Variants in GRIN3A observed in about 807,000 individuals in gnomAD.
GRIN3A encodes the protein glutamate receptor ionotropic, NMDA 3A.
Under a neutral mutation model 92.4 loss-of-function variants are expected in GRIN3A, and 47 were observed. The ratio of observed to expected loss-of-function variants is 0.51; its 90% CI spans 0.40 to 0.65. GRIN3A has a LOEUF of 0.65. GRIN3A is among the 30% of genes least tolerant of loss of function. The pLI is 0.00. For synonymous variants in GRIN3A, 527 were observed against 540.6 expected, an observed-to-expected ratio of 0.97 and a Z score of 0.35; for missense variants, 1,324 against 1,393.1, an observed-to-expected ratio of 0.95 and a Z score of 0.79.
intron 1 of GRIN3A, among the ~76,000 whole-genome samples, chr9:101,691,678 C>T (rs539394654): frequency 1.3e-4 from 20 of 152,270 alleles, no homozygotes; most frequent in Non-Finnish European, 2.4e-4. Context: ...ATTTCCTGTG[C>T]GATTCTGCAT....
intron 2 of GRIN3A, among the ~76,000 whole-genome samples, chr9:101,675,679 T>G (rs943307149): frequency 6.6e-6 from 1 of 150,544 alleles, no homozygotes; most frequent in Non-Finnish European, 1.5e-5. Flanking sequence ...TTTTTTTTTG[T>G]AATTTTAAAA....
At chr9:101,642,181 T>C (rs1828875063) in intron 3 of GRIN3A, among the ~76,000 whole-genome samples, 1 of 152,158 alleles carries the variant, frequency 6.6e-6, no homozygotes, top group Non-Finnish European at 1.5e-5. Context: ...CATGCATATA[T>C]GGTCAACTAA....
At chr9:101,592,526 C>T (rs1828044703) in intron 6 of GRIN3A, 1 of 152,282 alleles carries the variant, frequency 6.6e-6, no homozygotes, top group East Asian at 1.9e-4. Context: ...AGTGTGATAA[C>T]AACCCAGTTG....
intron 4 of GRIN3A, among the ~76,000 whole-genome samples, chr9:101,624,813 A>G (rs1828609749): frequency 1.3e-5 from 2 of 152,176 alleles, no homozygotes; most frequent in African/African-American, 2.4e-5. Context: ...GACTTCCACA[A>G]TGGTTGGACT....
At chr9:101,627,346 A>C (rs1828647604) in intron 4 of GRIN3A, among the ~76,000 whole-genome samples, 1 of 152,176 alleles carries the variant, frequency 6.6e-6, no homozygotes, top group Admixed American at 6.5e-5. Flanking sequence ...CATGTTTCTA[A>C]AGTTGTTGAG....
At chr9:101,683,847 TGA>T (rs55960998) in intron 2 of GRIN3A, among the ~76,000 whole-genome samples, 16,220 of 136,014 alleles carry the variant, frequency 0.12, 887 homozygotes, top group East Asian at 0.17. Flanking sequence ...AGAGAGACAG[TGA>T]GAGAGAGAGA....
intron 2 of GRIN3A, among the ~76,000 whole-genome samples, chr9:101,679,531 T>C (rs1163021679): frequency 6.6e-6 from 1 of 152,102 alleles, no homozygotes; most frequent in Non-Finnish European, 1.5e-5. Flanking sequence ...TTAAGTGACC[T>C]GGAGTAGAGG....
chr9:101,686,178 A>G (rs544319970), intron 2 of GRIN3A, among the ~76,000 whole-genome samples: 6 of 152,318 alleles, frequency 3.9e-5, no homozygotes, highest in Non-Finnish European at 8.8e-5. Context: ...GAAAAGAAAC[A>G]TTTATTTTGC....
intron 1 of GRIN3A, among the ~76,000 whole-genome samples, chr9:101,716,595 C>T (rs2119021395): frequency 6.6e-6 from 1 of 152,206 alleles, no homozygotes; most frequent in East Asian, 1.9e-4. Context: ...CTGTCCTTTA[C>T]ATTATATACT....
rs758975539 is a variant in GRIN3A, at chr9:101,726,911, G to A, written c.699+10370C>T. 6.4e-4 allele frequency among the ~76,000 whole-genome samples: 98 copies of A among 152,156 alleles called. 1 individual carries two copies. The highest frequency in any genetic ancestry group is 1.2e-3 in the Non-Finnish European group (80 of 67,978). ...AAATTCAAGTATCCATATTTGGGTA[G>A]AGGCTATAATATTAGACAGCACAGT... On this transcript the variant is annotated intron_variant, in intron 1 of 8. Transcript: ENST00000361820.
Position 101,737,770 on chromosome 9 carries a change from G to T in GRIN3A, c.210C>A (p.Asp70Glu). 1 of 1,528,644 alleles carries T rather than the reference G, an allele frequency of 6.5e-7. No individual in the cohort carries two copies. The highest frequency in any genetic ancestry group is 8.7e-7 in the Non-Finnish European group (1 of 1,143,856). The allele number at this position is 1,528,644 out of a possible 1,614,324, so 94.7% of individuals were successfully genotyped here. A position where few individuals can be genotyped will look rare whatever the true frequency, so the allele number is the denominator to read the frequency against. ...CCCTCTGGGCTCCTGCTCGGCTGTC[G>T]TCCGGAGCGCGGCTGGCCGCGCGGG... ...TAPRAASRAP[D>E]DSRAGAQRDE... The change falls in exon 1 of 9, where the codon GAC (aspartate) becomes GAA (glutamate). Residue 70 changes from aspartate to glutamate, a missense_variant. Asp to Glu is a conservative substitution (Grantham distance 45). Coordinates refer to ENST00000361820, the MANE Select transcript of GRIN3A (RefSeq NM_133445.3).
chr9:101,594,994 T>C, intron 6 of GRIN3A: 1 of 1,533,078 alleles, frequency 6.5e-7, no homozygotes, highest in Non-Finnish European at 8.7e-7. Context: ...CGGGCGGGGC[T>C]CGTGCCCGGA....
chr9:101,716,462 A>G (rs1234120408), intron 1 of GRIN3A, among the ~76,000 whole-genome samples: 1 of 152,156 alleles, frequency 6.6e-6, no homozygotes, highest in Non-Finnish European at 1.5e-5. Context: ...CATTATTTCT[A>G]TTTTATGAGT....
intron 3 of GRIN3A, among the ~76,000 whole-genome samples, chr9:101,661,304 T>A (rs887047012): frequency 1.1e-4 from 17 of 151,874 alleles, no homozygotes; most frequent in African/African-American, 4.1e-4. Context: ...AATACATGAA[T>A]GTTGTAAAAA....
intron 6 of GRIN3A, chr9:101,594,407 G>C: frequency 1.3e-6 from 2 of 1,594,626 alleles, no homozygotes; most frequent in South Asian, 1.1e-5. Flanking sequence ...TAAGAAAAAG[G>C]CTCATACGAT....
chr9:101,582,626 G>A (rs1316947631), intron 6 of GRIN3A, among the ~76,000 whole-genome samples: 1 of 152,146 alleles, frequency 6.6e-6, no homozygotes, highest in African/African-American at 2.4e-5. Context: ...CCTTGACCTA[G>A]ACCTATTTTA....
intron 3 of GRIN3A, among the ~76,000 whole-genome samples, chr9:101,659,175 C>T (rs1237372649): frequency 1.3e-5 from 2 of 151,716 alleles, no homozygotes; most frequent in Non-Finnish European, 2.9e-5. Flanking sequence ...TCTCTGTATT[C>T]CAAATGTGAG....
chr9:101,631,400 A>G (rs1003036694), intron 3 of GRIN3A, among the ~76,000 whole-genome samples: 9 of 152,212 alleles, frequency 5.9e-5, no homozygotes, highest in African/African-American at 1.9e-4. Context: ...TCATTAATTA[A>G]AATACCTTTC....
At chr9:101,698,689 A>C (rs1451399801) in intron 1 of GRIN3A, among the ~76,000 whole-genome samples, 1 of 152,144 alleles carries the variant, frequency 6.6e-6, no homozygotes, top group Non-Finnish European at 1.5e-5. Flanking sequence ...TATTTTTGAG[A>C]CAGAGTCTCA....
Sources: gnomAD v4.1 joint callset for allele counts (sites outside exome capture counted in the v4.1 genomes callset) on GRCh38, gnomAD v4.1.1 for gene constraint, MANE v1.5 for transcripts, NCBI Gene and HGNC (gene_info 2026-07-23, HGNC 2026-07-21) for gene names.